The following SUCLG2 variants were observed in gnomAD, a reference collection of about 807,000 sequenced individuals.
SUCLG2 encodes the protein succinate-CoA ligase GDP-forming subunit beta.
A neutral mutation model predicts 47.9 loss-of-function variants in SUCLG2; 42 were observed. The observed-to-expected ratio is 0.88, with a 90% CI of 0.69 to 1.14. The LOEUF (loss-of-function observed/expected upper bound fraction) is 1.14, where lower values mean the gene tolerates loss of function less well. Among genes scored for constraint, SUCLG2 ranks in the 50% most tolerant of loss-of-function variants. SUCLG2 has a pLI of 0.00. For missense variants in SUCLG2, 571 were observed against 525.9 expected, an observed-to-expected ratio of 1.09 and a Z score of -0.84; for synonymous variants, 195 against 197.3, an observed-to-expected ratio of 0.99 and a Z score of 0.10.
chr3:67,513,714 T>C (rs2107111458), intron 6 of SUCLG2, among the ~76,000 whole-genome samples: 1 of 152,366 alleles, frequency 6.6e-6, no homozygotes, highest in Admixed American at 6.5e-5. Context: ...TACTGCCATC[T>C]ATTTCTCAGC....
intron 10 of SUCLG2, among the ~76,000 whole-genome samples, chr3:67,377,264 T>C (rs145270105): frequency 7.7e-4 from 117 of 152,366 alleles, no homozygotes; most frequent in African/African-American, 2.8e-3. Context: ...GTTCTAAAGA[T>C]ATGCTAGTCT....
intron 2 of SUCLG2, among the ~76,000 whole-genome samples, chr3:67,557,661 A>T (rs946647131): frequency 3.3e-5 from 5 of 152,212 alleles, no homozygotes; most frequent in African/African-American, 1.2e-4. Context: ...GAGCTGTATG[A>T]TATATCACTG....
At chr3:67,570,492 A>G (rs1239458870) in intron 2 of SUCLG2, among the ~76,000 whole-genome samples, 1 of 152,178 alleles carries the variant, frequency 6.6e-6, no homozygotes, top group African/African-American at 2.4e-5. Context: ...GGGAAAGAAC[A>G]ATTAAGGTGG....
downstream of SUCLG2, among the ~76,000 whole-genome samples, chr3:67,372,477 G>A (rs1701968394): frequency 6.6e-6 from 1 of 152,128 alleles, no homozygotes; most frequent in Non-Finnish European, 1.5e-5. Flanking sequence ...TTGAGGATGA[G>A]TTAGTTGATA....
At chr3:67,428,463 A>G (rs1189979409) in intron 9 of SUCLG2, among the ~76,000 whole-genome samples, 1 of 152,190 alleles carries the variant, frequency 6.6e-6, no homozygotes, top group African/African-American at 2.4e-5. Flanking sequence ...ATCAAAGACC[A>G]AAGGTAGATA....
chr3:67,583,935 G>A (rs552394498), intron 2 of SUCLG2, among the ~76,000 whole-genome samples: 1 of 152,164 alleles, frequency 6.6e-6, no homozygotes, highest in Non-Finnish European at 1.5e-5. Context: ...CTGATCTTAA[G>A]GTCAACTGCA....
intron 2 of SUCLG2, among the ~76,000 whole-genome samples, chr3:67,561,071 C>T (rs572013194): frequency 2.5e-4 from 37 of 148,750 alleles, no homozygotes; most frequent in African/African-American, 8.2e-4. Context: ...TAAAAGAACA[C>T]AAAAAAATCC....
chr3:67,529,296 T>C lies in SUCLG2; in HGVS notation c.227-110A>G, dbSNP rs1706339457. On this transcript the variant is annotated intron_variant, in intron 2 of 10. Coordinates refer to ENST00000307227, the MANE Select transcript of SUCLG2 (RefSeq NM_003848.4). Reference sequence around the variant, plus strand: ...TAACTTCCAAGTAACTGGTAAAAGCTCTCTCAAACTAACTTTGAAAATAAA... The same window carrying C: ...TAACTTCCAAGTAACTGGTAAAAGCCCTCTCAAACTAACTTTGAAAATAAA... 6 of 731,998 alleles carry C rather than the reference T, an allele frequency of 8.2e-6. No individual in the cohort carries two copies. The East Asian group carries it at 1.6e-4, about 19-fold the overall frequency. The allele number at this position is 731,998 out of a possible 1,614,324, so 45.3% of individuals were successfully genotyped here.
chr3:67,383,608 A>C (rs1426281628), intron 10 of SUCLG2, among the ~76,000 whole-genome samples: 1 of 152,196 alleles, frequency 6.6e-6, no homozygotes, highest in Non-Finnish European at 1.5e-5. Flanking sequence ...CTCCAGTGGC[A>C]GGAAGCCAAT....
Position 67,378,837 on chromosome 3 carries a change from A to G in SUCLG2, c.1184-2978T>C, listed in dbSNP as rs184790552. Among the ~76,000 whole-genome samples, 3 of 152,384 alleles carry G rather than the reference A, an allele frequency of 2.0e-5. No individual in the cohort carries two copies. In the East Asian group the frequency reaches 5.8e-4, roughly 29 times the overall value. ...TGTTAGATAGCAGGCTAAGGAATTT[A>G]GAAACTAATCAAAGCATGGCTTTCA... On this transcript the variant is annotated intron_variant, in intron 10 of 10. Transcript: ENST00000307227.
chr3:67,405,380 G>C (rs4132745), intron 9 of SUCLG2, among the ~76,000 whole-genome samples: 1 of 151,602 alleles, frequency 6.6e-6, no homozygotes, highest in Non-Finnish European at 1.5e-5. Context: ...AGCTTCTTTT[G>C]ACATCATCCC....
At chr3:67,643,308 A>C (rs1414867619) in intron 1 of SUCLG2, among the ~76,000 whole-genome samples, 1 of 152,084 alleles carries the variant, frequency 6.6e-6, no homozygotes, top group African/African-American at 2.4e-5. Flanking sequence ...TCATTATCTT[A>C]CTTGTTTTTA....
In SUCLG2 at chr3:67,520,618, G is replaced by C; in HGVS notation, c.434C>G (p.Ala145Gly). 6.2e-7 allele frequency: 1 copy of C among 1,612,626 alleles called. No homozygotes were observed. The highest frequency in any genetic ancestry group is 8.5e-7 in the Non-Finnish European group (1 of 1,179,520). ...VKVNKVMVAEALDISRETYLA... is the reference protein window; with the variant it reads ...VKVNKVMVAEGLDISRETYLA... ...GTAGGTTTCTCTGGAAATATCCAAGGCTTCAGCAACCATCACCTACCACAT... is the reference window on the plus strand; with the variant it reads ...GTAGGTTTCTCTGGAAATATCCAAGCCTTCAGCAACCATCACCTACCACAT... The change falls in exon 5 of 11, where the codon GCC becomes GGC. Residue 145 changes from alanine (A) to glycine (G), a missense_variant. Physicochemically the swap from Ala to Gly is moderately conservative, Grantham distance 60. Transcript: ENST00000307227.
downstream of SUCLG2, among the ~76,000 whole-genome samples, chr3:67,371,583 AT>A (rs1701955517): frequency 6.6e-6 from 1 of 152,182 alleles, no homozygotes; most frequent in African/African-American, 2.4e-5. Context: ...CGGAGGTGCC[AT>A]TCACATTGTA....
chr3:67,549,852 T>C (rs887665851), intron 2 of SUCLG2, among the ~76,000 whole-genome samples: 1 of 152,188 alleles, frequency 6.6e-6, no homozygotes, highest in African/African-American at 2.4e-5. Flanking sequence ...GATAAATTTT[T>C]TCTTTTTTTT....
rs146628161 is a variant in SUCLG2, at chr3:67,648,310, G to C, written c.84+6193C>G. Among the ~76,000 whole-genome samples, 419 of 152,274 alleles carry C rather than the reference G, an allele frequency of 2.8e-3. 5 individuals carry two copies. The highest frequency in any genetic ancestry group is 9.7e-3 in the African/African-American group (404 of 41,554). On this transcript the variant is annotated intron_variant, in intron 1 of 10. Transcript: ENST00000307227. Reference sequence around the variant, plus strand: ...GACCCTGAAGCCAGAGAGAGAGGAAGGTGGATAAGAGTCCAGAAAGGGCAA... The same window carrying C: ...GACCCTGAAGCCAGAGAGAGAGGAACGTGGATAAGAGTCCAGAAAGGGCAA...
At chr3:67,644,536 A>T (rs1263603649) in intron 1 of SUCLG2, among the ~76,000 whole-genome samples, 1 of 152,078 alleles carries the variant, frequency 6.6e-6, no homozygotes, top group Non-Finnish European at 1.5e-5. Context: ...GGGGAGGATG[A>T]ATAAGTTCAG....
chr3:67,482,798 G>A (rs1704951155), intron 9 of SUCLG2, among the ~76,000 whole-genome samples: 1 of 152,140 alleles, frequency 6.6e-6, no homozygotes, highest in South Asian at 2.1e-4. Context: ...TGGGATTAAC[G>A]AGCAAGTGAA....
chr3:67,620,112 C>G (rs1700706911), intron 1 of SUCLG2, among the ~76,000 whole-genome samples: 1 of 152,226 alleles, frequency 6.6e-6, no homozygotes, highest in South Asian at 2.1e-4. Flanking sequence ...CAATTTTCCA[C>G]TGCATCCATA....
Sources: gnomAD v4.1 joint callset for allele counts (sites outside exome capture counted in the v4.1 genomes callset) on GRCh38, gnomAD v4.1.1 for gene constraint, MANE v1.5 for transcripts, NCBI Gene and HGNC (gene_info 2026-07-23, HGNC 2026-07-21) for gene names.